C1QTNF6: variants seen among roughly 807,000 people sequenced by gnomAD.
C1QTNF6 encodes C1q and TNF related 6.
In C1QTNF6, 17 loss-of-function variants were observed where a neutral mutation model predicts 20.7. That is an observed-to-expected ratio of 0.82 (90% CI 0.56 to 1.23). The LOEUF (loss-of-function observed/expected upper bound fraction) is 1.23. Among genes scored for constraint, C1QTNF6 ranks in the 50% most tolerant of loss-of-function variants. The pLI, the probability that C1QTNF6 is intolerant of heterozygous loss-of-function variation, is 0.00. For synonymous variants in C1QTNF6, 130 were observed against 156.3 expected, an observed-to-expected ratio of 0.83 and a Z score of 1.25; for missense variants, 329 against 389.7, an observed-to-expected ratio of 0.84 and a Z score of 1.31.
chr22:37,193,946 G>A (rs928754683), intron 2 of C1QTNF6, among the ~76,000 whole-genome samples: 9 of 152,198 alleles, frequency 5.9e-5, no homozygotes, highest in African/African-American at 1.4e-4. Flanking sequence ...ACTGAGCCAC[G>A]GCACTAGACA....
chr22:37,184,195 G>A lies in C1QTNF6; in HGVS notation c.289+1023C>T. ...CGAAATCAGAACAAGGGCAGGCCAG[G>A]TGCCAGGTGACCACTGGCTGTGCAG... On this transcript the variant is annotated intron_variant, in intron 2 of 2. Transcript: ENST00000337843. The surrounding 1 kb of genome is among the most constrained non-coding windows in gnomAD (Gnocchi z 4.0). The A allele has an allele frequency of 1.6e-6, 1 of 626,446 alleles. No homozygotes were observed. The highest frequency in any genetic ancestry group is 3.6e-4 in the Middle Eastern group (1 of 2,776). The allele number at this position is 626,446 out of a possible 1,614,324, so 38.8% of individuals were successfully genotyped here.
In C1QTNF6 at chr22:37,181,885, T is replaced by G; in HGVS notation, c.*303A>C. 1 of 402,094 alleles carries G rather than the reference T, an allele frequency of 2.5e-6. No homozygotes were observed. Among genetic ancestry groups the G allele is most frequent in the Non-Finnish European group, 4.5e-6 (1 of 220,432 alleles). 24.9% of individuals were successfully genotyped at this position (402,094 alleles called of 1,614,324 possible). ...CAGACCTGCTGAGTCAGAATCTGCA[T>G]TTAACACGAACCCCGGGTGATTCGC... On this transcript the variant is annotated 3_prime_UTR_variant, in exon 3 of 3. Coordinates refer to ENST00000337843, the MANE Select transcript of C1QTNF6 (RefSeq NM_031910.4).
chr22:37,191,133 C>T (rs530898887), upstream of C1QTNF6, among the ~76,000 whole-genome samples: 1 of 152,048 alleles, frequency 6.6e-6, no homozygotes, highest in Non-Finnish European at 1.5e-5. Flanking sequence ...TTATAAACCA[C>T]CTTTTGAAGA....
chr22:37,193,799 C>T (rs760593238), intron 2 of C1QTNF6, among the ~76,000 whole-genome samples: 3 of 152,062 alleles, frequency 2.0e-5, no homozygotes, highest in Non-Finnish European at 2.9e-5. Context: ...AAAATTCAAA[C>T]GAGAAGTCAG....
upstream of C1QTNF6, among the ~76,000 whole-genome samples, chr22:37,198,758 T>A (rs1219144248): frequency 6.7e-6 from 1 of 150,248 alleles, no homozygotes; most frequent in African/African-American, 2.5e-5. Context: ...AGGGCGCCCA[T>A]GCACTCGCTT....
At chr22:37,188,310 A>AGAGAGGGCGGAGGGAGGGCGGAGG (rs1924559449), upstream of C1QTNF6, 1 of 855,060 alleles carries the variant, frequency 1.2e-6, no homozygotes, top group Non-Finnish European at 1.6e-6. Flanking sequence ...GGATGGAGGG[A>AGAGAGGGCGGAGGGAGGGCGGAGG]GAGAGGGCGG....
chr22:37,192,934 A>C (rs1924906266), upstream of C1QTNF6, among the ~76,000 whole-genome samples: 1 of 152,254 alleles, frequency 6.6e-6, no homozygotes, highest in Non-Finnish European at 1.5e-5. Context: ...AAGCAGGCAC[A>C]GCTGGAAGGC....
upstream of C1QTNF6, chr22:37,188,325 A>G (rs1601634242): frequency 5.2e-6 from 3 of 580,080 alleles, no homozygotes; most frequent in South Asian, 2.9e-5. Flanking sequence ...GGGCGGAGGG[A>G]GGGCGGAGGG....
At chr22:37,198,913 G>A (rs186107384), upstream of C1QTNF6, among the ~76,000 whole-genome samples, 90 of 152,202 alleles carry the variant, frequency 5.9e-4, 1 homozygote, top group Non-Finnish European at 4.9e-4. Context: ...TTCGCTCTCC[G>A]GAACCAGGTT....
rs939550946 is a variant in C1QTNF6, at chr22:37,184,076, G to T, written c.289+1142C>A. On this transcript the variant is annotated intron_variant, in intron 2 of 2. Transcript: ENST00000337843. This position sits in a 1 kb window ranked among gnomAD's most constrained non-coding sequence, Gnocchi z 4.0. The stretch of plus-strand genomic sequence containing the variant: ...GGGCAATGAGGAGGGACCATCAGCA[G>T]CCAGGCACCTCTCCAACCTCATGCA... Among the ~76,000 whole-genome samples the T allele has an allele frequency of 6.6e-6, 1 of 152,052 alleles. No individual in the cohort carries two copies. The highest frequency in any genetic ancestry group is 1.5e-5 in the Non-Finnish European group (1 of 68,012).
Position 37,184,576 on chromosome 22 carries a change from G to T in C1QTNF6, c.289+642C>A, listed in dbSNP as rs1040012579. ...GCCCTCACCTGGACAGGCCCCACAG[G>T]GCTGCATGCTCCGACCCTCGGCCCC... On this transcript the variant is annotated intron_variant, in intron 2 of 2. Transcript: ENST00000337843. This position sits in a 1 kb window ranked among gnomAD's most constrained non-coding sequence, Gnocchi z 4.0. 10 of 671,072 alleles carry T rather than the reference G, an allele frequency of 1.5e-5. No homozygotes were observed. Among genetic ancestry groups the T allele is most frequent in the African/African-American group, 1.4e-4 (8 of 56,314 alleles). The allele number at this position is 671,072 out of a possible 1,614,324, so 41.6% of individuals were successfully genotyped here.
chr22:37,184,399 G>T lies in C1QTNF6; in HGVS notation c.289+819C>A. ...TGTCAAGGCCTGGTCACAGCCGTCAGCCACCACAGCCTGGAAGGGAAGCGA... is the reference window on the plus strand; with the variant it reads ...TGTCAAGGCCTGGTCACAGCCGTCATCCACCACAGCCTGGAAGGGAAGCGA... On this transcript the variant is annotated intron_variant, in intron 2 of 2. Coordinates refer to ENST00000337843, the MANE Select transcript of C1QTNF6 (RefSeq NM_031910.4). This position sits in a 1 kb window ranked among gnomAD's most constrained non-coding sequence, Gnocchi z 4.0. The T allele has an allele frequency of 1.4e-6, 1 of 717,320 alleles. No homozygotes were observed. 44.4% of individuals were successfully genotyped at this position (717,320 alleles called of 1,614,324 possible). A position where few individuals can be genotyped will look rare whatever the true frequency, so the allele number is the denominator to read the frequency against.
chr22:37,198,785 G>A (rs4140871), upstream of C1QTNF6, among the ~76,000 whole-genome samples: 33,320 of 138,222 alleles, frequency 0.24, 4,116 homozygotes, highest in East Asian at 0.6. Context: ...CCAAACCCCC[G>A]CAGTCCCCGC....
intron 2 of C1QTNF6, among the ~76,000 whole-genome samples, chr22:37,193,662 C>T (rs1399258147): frequency 6.6e-6 from 1 of 152,148 alleles, no homozygotes; most frequent in Non-Finnish European, 1.5e-5. Flanking sequence ...CTAACAGTAA[C>T]CTCCCAGGTG....
In C1QTNF6 at chr22:37,182,138, G is replaced by A. The variant is rs1257261034; in HGVS notation, c.*50C>T. The A allele has an allele frequency of 1.3e-6, 2 of 1,557,482 alleles. No individual in the cohort carries two copies. Among genetic ancestry groups the A allele is most frequent in the African/African-American group, 2.7e-5 (2 of 73,818 alleles). Reference sequence around the variant, plus strand: ...GCAGTGCAAACTGAGCCCTGCAGGGGACGGGACCAGCACCTGAGCTCTCCA... The same window carrying A: ...GCAGTGCAAACTGAGCCCTGCAGGGAACGGGACCAGCACCTGAGCTCTCCA... On this transcript the variant is annotated 3_prime_UTR_variant, in exon 3 of 3. Transcript: ENST00000337843.
At chr22:37,192,927 C>T (rs1056459016), upstream of C1QTNF6, among the ~76,000 whole-genome samples, 7 of 152,174 alleles carry the variant, frequency 4.6e-5, no homozygotes, top group Non-Finnish European at 1.5e-5. Context: ...GCCTAATAAG[C>T]AGGCACAGCT....
At position 37,184,526 on chromosome 22, in the gene C1QTNF6, C is replaced by A. The variant is rs571012798; in HGVS notation, c.289+692G>T. ...GACGGGCCCTCACCTGGACAGCCCT[C>A]ACCTGGACAGCCCTCACCTGGATGG... On this transcript the variant is annotated intron_variant, in intron 2 of 2. Coordinates refer to ENST00000337843, the MANE Select transcript of C1QTNF6 (RefSeq NM_031910.4). The surrounding 1 kb of genome is among the most constrained non-coding windows in gnomAD (Gnocchi z 4.0). The A allele has an allele frequency of 3.4e-5, 24 of 709,714 alleles. 1 individual carries two copies. The South Asian group carries it at 3.6e-4, about 11-fold the overall frequency. The allele number at this position is 709,714 out of a possible 1,614,324, so 44.0% of individuals were successfully genotyped here.
At chr22:37,198,400 T>C (rs1022585530), upstream of C1QTNF6, 7 of 152,054 alleles carry the variant, frequency 4.6e-5, no homozygotes, top group African/African-American at 1.7e-4. Flanking sequence ...CATCCTGCAC[T>C]CGCCCACGTT....
intron 2 of C1QTNF6, among the ~76,000 whole-genome samples, chr22:37,183,428 T>G (rs1470094917): frequency 2.0e-5 from 3 of 152,256 alleles, no homozygotes; most frequent in Admixed American, 6.5e-5. Flanking sequence ...CATCCCGACC[T>G]GCTCTGAGGT....
Sources: gnomAD v4.1 joint callset for allele counts (sites outside exome capture counted in the v4.1 genomes callset) on GRCh38, gnomAD v4.1.1 for gene constraint, Gnocchi (gnomAD v3.1) non-coding constraint, MANE v1.5 for transcripts, NCBI Gene and HGNC (gene_info 2026-07-23, HGNC 2026-07-21) for gene names.